Variants in TRAPPC9 observed in about 807,000 individuals in gnomAD.
The protein encoded by TRAPPC9 is trafficking protein particle complex subunit 9.
TRAPPC9 carries 83 observed loss-of-function variants against 124.0 expected under a neutral mutation model. The ratio of observed to expected loss-of-function variants is 0.67; its 90% CI spans 0.56 to 0.80. The LOEUF (loss-of-function observed/expected upper bound fraction) is 0.80, where lower values mean the gene tolerates loss of function less well. TRAPPC9 is among the 30% of genes least tolerant of loss of function. The pLI is 0.00. For missense variants in TRAPPC9, 1,302 were observed against 1,508.3 expected (o/e 0.86, Z 2.27); for synonymous variants, 638 against 617.5 (o/e 1.03, Z -0.49).
At position 140,330,449 on chromosome 8, in the gene TRAPPC9, G is replaced by C. The variant is rs1256054873; in HGVS notation, c.1496-19075C>G. Among the ~76,000 whole-genome samples, 3 of 152,138 alleles carry C rather than the reference G, an allele frequency of 2.0e-5. No homozygotes were observed. In the East Asian group the frequency reaches 5.8e-4, roughly 29 times the overall value. ...AAATTTGCAGTGAGCCACATTAACT[G>C]CCTCCTGTCAATAATTTTTCATATT... is the stretch of plus-strand genomic sequence containing the variant. On this transcript the variant is annotated intron_variant, in intron 9 of 22. Transcript: ENST00000438773.
intron 17 of TRAPPC9, among the ~76,000 whole-genome samples, chr8:140,201,123 C>T (rs923933881): frequency 1.3e-5 from 2 of 152,124 alleles, no homozygotes; most frequent in Non-Finnish European, 1.5e-5. Context: ...AAGAGTGTGA[C>T]GGAGGCAAGT....
At chr8:140,056,412 A>T (rs1842290231) in intron 17 of TRAPPC9, among the ~76,000 whole-genome samples, 1 of 151,030 alleles carries the variant, frequency 6.6e-6, no homozygotes, top group Admixed American at 6.6e-5. Context: ...CCTGTCTCTA[A>T]AAAAAAAACA....
At chr8:139,939,037 T>C (rs1045449706) in intron 19 of TRAPPC9, among the ~76,000 whole-genome samples, 8 of 152,178 alleles carry the variant, frequency 5.3e-5, no homozygotes, top group Admixed American at 2.6e-4. Context: ...TCCCTGCCAC[T>C]TGACAGACAG....
chr8:140,099,446 C>T (rs1469789872), intron 17 of TRAPPC9: 1 of 152,070 alleles, frequency 6.6e-6, no homozygotes, highest in African/African-American at 2.4e-5. Flanking sequence ...GAAGCCCACC[C>T]GGGTTCTCCA....
chr8:139,790,079 T>C (rs1390690879), intron 21 of TRAPPC9, among the ~76,000 whole-genome samples: 2 of 152,210 alleles, frequency 1.3e-5, no homozygotes, highest in East Asian at 3.9e-4. Flanking sequence ...AGCAGGTGTC[T>C]GTCCATGCAT....
rs1288747385 is a variant in TRAPPC9, at chr8:140,104,522, G to T, written c.2557-80443C>A. Among the ~76,000 whole-genome samples, 5 of 152,126 alleles carry T rather than the reference G, an allele frequency of 3.3e-5. No homozygotes were observed. Among genetic ancestry groups the T allele is most frequent in the African/African-American group, 4.8e-5 (2 of 41,412 alleles). On this transcript the variant is annotated intron_variant, in intron 17 of 22. Transcript: ENST00000438773. The surrounding 1 kb of genome is among the most constrained non-coding windows in gnomAD (Gnocchi z 4.0). ...AAGTAGTATGATGGCACGATGGGGG[G>T]AGCTGTGAACTAGCTAGGGAAACAG... is the stretch of plus-strand genomic sequence containing the variant.
chr8:139,898,178 C>T (rs1287232926), intron 20 of TRAPPC9, among the ~76,000 whole-genome samples: 1 of 152,220 alleles, frequency 6.6e-6, no homozygotes, highest in African/African-American at 2.4e-5. Flanking sequence ...AGAGCAGCCC[C>T]AAATATGGCA....
At chr8:140,298,427 G>T (rs900403166) in intron 11 of TRAPPC9, among the ~76,000 whole-genome samples, 5 of 152,082 alleles carry the variant, frequency 3.3e-5, no homozygotes, top group Admixed American at 6.5e-5. Context: ...CCGAGGCAGG[G>T]GATTCACTTG....
rs1219112874 is a variant in TRAPPC9 at position 140,428,293 on chromosome 8, C to G, written c.860-1652G>C. On this transcript the variant is annotated intron_variant, in intron 4 of 22. Coordinates refer to ENST00000438773, the MANE Select transcript of TRAPPC9 (RefSeq NM_001160372.4). ...CACATTAACCAAACTTGTAAGAGAC[C>G]AGTGTAGGAAAACTGGAGGTTTAAC... Among the ~76,000 whole-genome samples the G allele has an allele frequency of 2.0e-5, 3 of 152,144 alleles. No individual in the cohort carries two copies. The East Asian group carries it at 5.8e-4, about 29-fold the overall frequency.
chr8:140,405,561 A>G lies in TRAPPC9; in HGVS notation c.1008+16T>C. 1.2e-6 allele frequency: 2 copies of G among 1,614,046 alleles called. No homozygotes were observed. The highest frequency in any genetic ancestry group is 1.7e-6 in the Non-Finnish European group (2 of 1,179,920). ...AACACAACTGTGTAAAAAAAATCAC[A>G]AAGCCATAAAATCACCTTGCTGTAA... On this transcript the variant is annotated intron_variant, in intron 6 of 22. Coordinates refer to ENST00000438773, the MANE Select transcript of TRAPPC9 (RefSeq NM_001160372.4).
At chr8:139,909,375 G>C (rs1681828211) in intron 20 of TRAPPC9, among the ~76,000 whole-genome samples, 1 of 152,138 alleles carries the variant, frequency 6.6e-6, no homozygotes, top group African/African-American at 2.4e-5. Flanking sequence ...CCCCCACCCA[G>C]TGGCCTCTGA....
At chr8:139,963,765 A>C (rs1218689743) in intron 19 of TRAPPC9, among the ~76,000 whole-genome samples, 1 of 113,926 alleles carries the variant, frequency 8.8e-6, no homozygotes, top group Non-Finnish European at 2.1e-5. Flanking sequence ...AAAAAAAAAA[A>C]AAAAAAAAAA....
At chr8:139,901,484 A>G (rs1221547381) in intron 20 of TRAPPC9, among the ~76,000 whole-genome samples, 1 of 152,138 alleles carries the variant, frequency 6.6e-6, no homozygotes, top group Non-Finnish European at 1.5e-5. Context: ...GAGAGACCCA[A>G]CTGGACAGAA....
intron 17 of TRAPPC9, among the ~76,000 whole-genome samples, chr8:140,194,879 C>A (rs1465834074): frequency 6.6e-6 from 1 of 152,086 alleles, no homozygotes; most frequent in Non-Finnish European, 1.5e-5. Context: ...ACAGATCGCA[C>A]CTGTGACACT....
At chr8:139,746,585 C>A (rs1458159230) in intron 21 of TRAPPC9, among the ~76,000 whole-genome samples, 2 of 152,178 alleles carry the variant, frequency 1.3e-5, no homozygotes, top group African/African-American at 4.8e-5. Flanking sequence ...TGGTCAGAGC[C>A]AGAACACTGT....
chr8:139,790,329 T>C (rs1822567274), intron 21 of TRAPPC9, among the ~76,000 whole-genome samples: 1 of 152,188 alleles, frequency 6.6e-6, no homozygotes, highest in Non-Finnish European at 1.5e-5. Context: ...GCCCACCACC[T>C]AGAGTTTCAG....
chr8:140,357,379 G>A (rs760477657), intron 9 of TRAPPC9, among the ~76,000 whole-genome samples: 1 of 152,114 alleles, frequency 6.6e-6, no homozygotes, highest in African/African-American at 2.4e-5. Context: ...GCTCAGGGCC[G>A]TGTCACCACA....
chr8:140,056,339 G>C (rs1262047233), intron 17 of TRAPPC9, among the ~76,000 whole-genome samples: 2 of 151,944 alleles, frequency 1.3e-5, no homozygotes, highest in African/African-American at 4.8e-5. Flanking sequence ...AAGTTCAGGA[G>C]TTTGAGGATG....
At chr8:140,134,155 C>A (rs1247209450) in intron 17 of TRAPPC9, among the ~76,000 whole-genome samples, 10 of 152,152 alleles carry the variant, frequency 6.6e-5, no homozygotes, top group Non-Finnish European at 1.2e-4. Context: ...ATCTACAAAG[C>A]CACGGTAATA....
Sources: allele counts gnomAD v4.1 joint callset (sites outside exome capture counted in the v4.1 genomes callset), GRCh38; gene constraint gnomAD v4.1.1; non-coding constraint Gnocchi (gnomAD v3.1); transcripts MANE v1.5; gene names NCBI Gene and HGNC (gene_info 2026-07-23, HGNC 2026-07-21).